Variants in DST observed in about 807,000 individuals in gnomAD.
The protein encoded by DST is bullous pemphigoid antigen.
A neutral mutation model predicts 875.2 loss-of-function variants in DST; 253 were observed. That is an observed-to-expected ratio of 0.29 (90% confidence interval 0.26 to 0.32). The LOEUF is 0.32. DST is among the 10% of genes least tolerant of loss of function. DST has a pLI of 1.00. For synonymous variants in DST, 3,124 were observed against 3,197.1 expected (o/e 0.98, Z 0.77); for missense variants, 8,287 against 9,111.6 (o/e 0.91, Z 3.68).
intron 9 of DST, among the ~76,000 whole-genome samples, chr6:56,674,908 C>T (rs1427370002): frequency 3.3e-5 from 5 of 152,140 alleles, no homozygotes. Context: ...ATAGAAGAAA[C>T]AATCCTTCAA....
rs1348277320 is a variant in DST, at chr6:56,619,480, T to C, written c.4930-4996A>G. 3 of 1,611,960 alleles carry C rather than the reference T, an allele frequency of 1.9e-6. No individual in the cohort carries two copies. Among genetic ancestry groups the C allele is most frequent in the African/African-American group, 1.3e-5 (1 of 74,742 alleles). On this transcript the variant is annotated intron_variant, in intron 36 of 103. Coordinates refer to ENST00000680361, the MANE Select transcript of DST (RefSeq NM_001374736.1). ...ATTTTCTCTGGCAGATTTGTAGTCT[T>C]TCTAATTCTTTCTCATCTCGAAAAG... is the stretch of plus-strand genomic sequence containing the variant.
In DST at chr6:56,614,456, T is replaced by C. The variant is rs772558729; in HGVS notation, c.4958A>G (p.His1653Arg). 1.0e-5 allele frequency: 16 copies of C among 1,608,026 alleles called. No individual in the cohort carries two copies. In the Admixed American group the frequency reaches 2.2e-4, roughly 22 times the overall value. ...TTGCAATTCTTTGGCTTTTTCAACA[T>C]GTTCTTTCTTTTCTTCTTCCAGTGA... is the stretch of plus-strand genomic sequence containing the variant. ...EKSLEEEKKE[H>R]VEKAKELQKW... Residue 1653 changes from histidine (H) to arginine (R), a missense_variant, in exon 37 of 104, where the codon CAT becomes CGT. Physicochemically the swap from His to Arg is conservative, Grantham distance 29. Coordinates refer to ENST00000680361, the MANE Select transcript of DST (RefSeq NM_001374736.1).
intron 9 of DST, 112 bp from the exon 10 acceptor site, chr6:56,670,919 TCCCGCTTCATGAGATTGTTAAGAGATTTG>T (rs2099097874): frequency 1.7e-6 from 1 of 575,736 alleles, no homozygotes; most frequent in Non-Finnish European, 2.9e-6. Flanking sequence ...TAATAACAAT[TCCCGCTTCATGAGATTGTTAAGAGATTTG>T]AATGAGATAA....
At chr6:56,476,468 T>A (rs376370008) in intron 91 of DST, 131 bp from the exon 92 acceptor site, 15 of 720,944 alleles carry the variant, frequency 2.1e-5, no homozygotes, top group African/African-American at 1.8e-4. Flanking sequence ...TCTGGTCTTT[T>A]TAGATTCCAT....
At chr6:56,721,070 C>T (rs1361888294) in intron 5 of DST, among the ~76,000 whole-genome samples, 3 of 150,862 alleles carry the variant, frequency 2.0e-5, no homozygotes, top group Non-Finnish European at 4.4e-5. Flanking sequence ...GGGCGCCCCC[C>T]CCACCTCCCA....
chr6:56,570,049 G>A (rs1030198227), intron 53 of DST, 37 bp from the exon 54 acceptor site: 5 of 1,404,600 alleles, frequency 3.6e-6, no homozygotes, highest in African/African-American at 1.5e-5. Context: ...TTAAGTCACA[G>A]AAAGAAGAAT....
At chr6:56,688,494 T>C (rs887616934) in intron 9 of DST, among the ~76,000 whole-genome samples, 1 of 152,212 alleles carries the variant, frequency 6.6e-6, no homozygotes, top group Admixed American at 6.5e-5. Flanking sequence ...AAATATTCAA[T>C]TCTTCATTAT....
chr6:56,534,314 T>C (rs1171608047), intron 63 of DST, among the ~76,000 whole-genome samples: 1 of 152,200 alleles, frequency 6.6e-6, no homozygotes, highest in Non-Finnish European at 1.5e-5. Flanking sequence ...CAGTACGCCA[T>C]GCTCTAGGAT....
intron 2 of DST, among the ~76,000 whole-genome samples, chr6:56,935,488 A>G (rs531750255): frequency 6.6e-6 from 1 of 152,388 alleles, no homozygotes; most frequent in East Asian, 1.9e-4. Context: ...CTGCTTAATT[A>G]CTTCTTAATG....
intron 2 of DST, among the ~76,000 whole-genome samples, chr6:56,948,868 A>G (rs373841632): frequency 1.1e-4 from 16 of 152,212 alleles, no homozygotes; most frequent in Middle Eastern, 3.2e-3. Flanking sequence ...GTGCCTCTAC[A>G]GCATGACACT....
chr6:56,469,420 G>A (rs749886122), intron 97 of DST, among the ~76,000 whole-genome samples: 2 of 151,500 alleles, frequency 1.3e-5, no homozygotes, highest in Non-Finnish European at 2.9e-5. Context: ...AGAGTGAACC[G>A]AGTTAATTGA....
intron 4 of DST, among the ~76,000 whole-genome samples, chr6:56,791,752 C>G (rs1372053885): frequency 6.8e-6 from 1 of 146,510 alleles, no homozygotes; most frequent in East Asian, 2.0e-4. Context: ...CACACCACTA[C>G]ACTGCAGTTT....
intron 9 of DST, among the ~76,000 whole-genome samples, chr6:56,689,064 G>C (rs924997475): frequency 5.9e-5 from 9 of 152,120 alleles, no homozygotes; most frequent in Non-Finnish European, 1.3e-4. Context: ...ATTGTTAAGT[G>C]AGTTGAGTAA....
intron 4 of DST, among the ~76,000 whole-genome samples, chr6:56,823,536 T>C (rs1484516316): frequency 6.6e-6 from 1 of 151,906 alleles, no homozygotes; most frequent in Non-Finnish European, 1.5e-5. Context: ...TCAGCCTCCC[T>C]AGTAGCTGGG....
chr6:56,903,885 T>C (rs1483325370), intron 2 of DST, among the ~76,000 whole-genome samples: 1 of 152,226 alleles, frequency 6.6e-6, no homozygotes, highest in Non-Finnish European at 1.5e-5. Flanking sequence ...ACTTGTACTA[T>C]TTTAAAATAA....
At chr6:56,840,232 A>T (rs1591505875) in intron 4 of DST, among the ~76,000 whole-genome samples, 1 of 152,184 alleles carries the variant, frequency 6.6e-6, no homozygotes, top group East Asian at 1.9e-4. Flanking sequence ...CATTTATAAT[A>T]ACAGCATATG....
chr6:56,532,555 A>G (rs760126655), intron 63 of DST, 45 bp from the exon 64 acceptor site: 2 of 1,500,454 alleles, frequency 1.3e-6, no homozygotes, highest in South Asian at 1.3e-5. Context: ...GAATAATTGT[A>G]TGAATATAAA....
chr6:56,812,133 A>AGAAAAGAAAC (rs2099761062), intron 4 of DST, among the ~76,000 whole-genome samples: 1 of 151,010 alleles, frequency 6.6e-6, no homozygotes, highest in Non-Finnish European at 1.5e-5. Flanking sequence ...AGAAAAGAAA[A>AGAAAAGAAAC]GAAAAGAAAA....
chr6:56,774,041 G>A (rs1208846066), intron 4 of DST, among the ~76,000 whole-genome samples: 2 of 150,682 alleles, frequency 1.3e-5, no homozygotes, highest in Admixed American at 6.6e-5. Flanking sequence ...TTGAACCCAG[G>A]AGGTGGAGGT....
Sources: gnomAD v4.1 joint callset for allele counts (sites outside exome capture counted in the v4.1 genomes callset) on GRCh38, gnomAD v4.1.1 for gene constraint, MANE v1.5 for transcripts, NCBI Gene and HGNC (gene_info 2026-07-23, HGNC 2026-07-21) for gene names.